The following R3HDM2 variants were observed in gnomAD, a reference collection of about 807,000 sequenced individuals.
The protein encoded by R3HDM2 is R3H domain-containing protein 2.
A neutral mutation model predicts 124.5 loss-of-function variants in R3HDM2; 38 were observed. The observed-to-expected ratio is 0.31, with a 90% CI of 0.24 to 0.40. The LOEUF (loss-of-function observed/expected upper bound fraction) is 0.40. Ranked by LOEUF, R3HDM2 falls within the 10% of genes least tolerant of loss-of-function variation. R3HDM2 has a pLI of 1.00. For missense variants in R3HDM2, 869 were observed against 1,236.9 expected, an observed-to-expected ratio of 0.70 and a Z score of 4.46; for synonymous variants, 391 against 448.0, an observed-to-expected ratio of 0.87 and a Z score of 1.61.
Position 57,271,963 on chromosome 12 carries a change from C to T in R3HDM2, c.1345-1969G>A, listed in dbSNP as rs185882579. Among the ~76,000 whole-genome samples the T allele has an allele frequency of 1.1e-3, 172 of 151,124 alleles. 1 individual carries two copies. The highest frequency in any genetic ancestry group is 4.0e-3 in the African/African-American group (163 of 41,062). On this transcript the variant is annotated intron_variant, in intron 14 of 23. Transcript: ENST00000402412. ...CTGGAGTGCAGTGGTGGTGCGATCT[C>T]GGCTCACTGCAACCTCAGCCTCTCA...
chr12:57,278,256 T>C (rs539711343), intron 14 of R3HDM2, among the ~76,000 whole-genome samples: 5 of 152,262 alleles, frequency 3.3e-5, no homozygotes, highest in East Asian at 1.9e-4. Flanking sequence ...GATCGACCAA[T>C]TGACCCTCAC....
chr12:57,305,143 C>T (rs1022935557), intron 3 of R3HDM2, among the ~76,000 whole-genome samples: 2 of 152,088 alleles, frequency 1.3e-5, no homozygotes, highest in Non-Finnish European at 2.9e-5. Context: ...TGAGATTGCG[C>T]CACTGCACTC....
intron 1 of R3HDM2, among the ~76,000 whole-genome samples, chr12:57,425,237 A>G (rs1298947819): frequency 1.3e-5 from 2 of 151,572 alleles, no homozygotes; most frequent in East Asian, 3.9e-4. Flanking sequence ...GTGCCATTGC[A>G]CTCCAACCTG....
rs768432235 is a variant in R3HDM2, at chr12:57,296,546, T to G, written c.566A>C (p.Gln189Pro). 5.2e-6 allele frequency: 8 copies of G among 1,550,296 alleles called. No homozygotes were observed. In the South Asian group the frequency reaches 8.4e-5, roughly 16 times the overall value. The change falls in exon 9 of 24, where the codon CAG becomes CCG. Residue 189 changes from glutamine (Q) to proline (P), a missense_variant. This residue lies in a region of R3HDM2 where 267 missense variants were observed against 447.7 expected (regional missense o/e 0.60). Coordinates refer to ENST00000402412, the MANE Select transcript of R3HDM2 (RefSeq NM_001394031.1). This position sits in a 1 kb window ranked among gnomAD's most constrained non-coding sequence, Gnocchi z 4.5. ...GGTCATCTGAGGGAACTTCTTGAAC[T>G]GATTACTGAAGGGAAACCCGGGGAA... ...ILEFINDNNN[Q>P]FKKFPQMTSY...
chr12:57,284,369 C>A (rs1294975597), intron 12 of R3HDM2, among the ~76,000 whole-genome samples: 1 of 152,334 alleles, frequency 6.6e-6, no homozygotes, highest in Non-Finnish European at 1.5e-5. Flanking sequence ...CTCTTCCCCA[C>A]CCTCTGAGGG....
chr12:57,408,151 G>A (rs965862652), intron 1 of R3HDM2, among the ~76,000 whole-genome samples: 5 of 152,000 alleles, frequency 3.3e-5, no homozygotes, highest in African/African-American at 9.7e-5. Flanking sequence ...GGCTGATCTC[G>A]AACTCCTAAC....
chr12:57,337,166 G>T (rs541105686), intron 2 of R3HDM2, among the ~76,000 whole-genome samples: 23 of 151,618 alleles, frequency 1.5e-4, no homozygotes, highest in Non-Finnish European at 2.8e-4. Context: ...TGTTGTTGTT[G>T]TTTTGAGACA....
intron 2 of R3HDM2, among the ~76,000 whole-genome samples, chr12:57,382,901 G>A (rs538856259): frequency 3.3e-5 from 5 of 151,968 alleles, no homozygotes; most frequent in African/African-American, 7.2e-5. Context: ...ACGGAGTCTC[G>A]CTCTTGTTGC....
chr12:57,256,341 T>G, intron 22 of R3HDM2, 73 bp downstream of exon 22: 1 of 1,287,534 alleles, frequency 7.8e-7, no homozygotes. Flanking sequence ...CCCAGCTGGT[T>G]GAAGCTCAGA....
chr12:57,262,814 G>A (rs1299930996), intron 19 of R3HDM2, among the ~76,000 whole-genome samples: 1 of 152,268 alleles, frequency 6.6e-6, no homozygotes, highest in African/African-American at 2.4e-5. Context: ...GGTGAATACA[G>A]TATTTTACAT....
intron 19 of R3HDM2, among the ~76,000 whole-genome samples, chr12:57,262,791 A>G (rs573981042): frequency 1.3e-5 from 2 of 152,282 alleles, no homozygotes; most frequent in Non-Finnish European, 2.9e-5. Flanking sequence ...TTAAAGACCT[A>G]TAAGATCGAT....
chr12:57,392,899 G>A (rs1248075668), intron 2 of R3HDM2, among the ~76,000 whole-genome samples: 1 of 151,118 alleles, frequency 6.6e-6, no homozygotes, highest in Non-Finnish European at 1.5e-5. Flanking sequence ...CCACCTCCTG[G>A]GTTCACGCCA....
rs1463447536 is a variant in R3HDM2, at chr12:57,300,129, G to A, written c.260C>T (p.Ser87Phe). The A allele has an allele frequency of 3.2e-6, 5 of 1,551,604 alleles. No homozygotes were observed. ...VRSLAVCEES[S>F]TPFADGPLET... Reference sequence around the variant, plus strand: ...TAATGGCCCATCAGCAAATGGGGTGGAGGACTCCTCACACACTGCCAGGCT... The same window carrying A: ...TAATGGCCCATCAGCAAATGGGGTGAAGGACTCCTCACACACTGCCAGGCT... The change falls in exon 5 of 24, where the codon TCC (serine) becomes TTC (phenylalanine). Residue 87 changes from serine (S) to phenylalanine (F), a missense_variant. Around this residue, in one of 2 missense-constraint regions of R3HDM2, gnomAD observed 267 missense variants for 447.7 expected, o/e 0.60. Coordinates refer to ENST00000402412, the MANE Select transcript of R3HDM2 (RefSeq NM_001394031.1).
In R3HDM2 at chr12:57,296,710, T is replaced by A; in HGVS notation, c.561-159A>T. 1 of 757,210 alleles carries A rather than the reference T, an allele frequency of 1.3e-6. No individual in the cohort carries two copies. Among genetic ancestry groups the A allele is most frequent in the Non-Finnish European group, 2.1e-6 (1 of 486,790 alleles). The allele number at this position is 757,210 out of a possible 1,614,324, so 46.9% of individuals were successfully genotyped here. A position where few individuals can be genotyped will look rare whatever the true frequency, so the allele number is the denominator to read the frequency against. ...ATTTACTAAATGGGAACCAAATAGGTTTTTCTCAGTTTCTTTATCTACAGT... is the reference window on the plus strand; with the variant it reads ...ATTTACTAAATGGGAACCAAATAGGATTTTCTCAGTTTCTTTATCTACAGT... On this transcript the variant is annotated intron_variant, in intron 8 of 23. Coordinates refer to ENST00000402412, the MANE Select transcript of R3HDM2 (RefSeq NM_001394031.1). The surrounding 1 kb of genome is among the most constrained non-coding windows in gnomAD (Gnocchi z 4.5).
chr12:57,370,942 A>C (rs890825336), intron 2 of R3HDM2, among the ~76,000 whole-genome samples: 4 of 152,146 alleles, frequency 2.6e-5, no homozygotes, highest in African/African-American at 9.7e-5. Flanking sequence ...TAATAAAAGA[A>C]ATCACTGAGC....
At chr12:57,329,194 C>T (rs1361452037) in intron 2 of R3HDM2, among the ~76,000 whole-genome samples, 1 of 152,074 alleles carries the variant, frequency 6.6e-6, no homozygotes, top group Non-Finnish European at 1.5e-5. Flanking sequence ...GTATACCACC[C>T]TTGTACCTAA....
At chr12:57,349,566 G>GTT (rs1473563493) in intron 2 of R3HDM2, among the ~76,000 whole-genome samples, 7 of 140,770 alleles carry the variant, frequency 5.0e-5, no homozygotes, top group Non-Finnish European at 6.2e-5. Context: ...TTTTTTGGTT[G>GTT]TTTTTTTTTT....
intron 19 of R3HDM2, among the ~76,000 whole-genome samples, chr12:57,264,907 G>T (rs986090218): frequency 1.3e-5 from 2 of 152,202 alleles, no homozygotes; most frequent in African/African-American, 4.8e-5. Flanking sequence ...AAAGTGCTGG[G>T]ATTACAGGTG....
At chr12:57,430,489 G>GCCCCCCCACC in intron 1 of R3HDM2, 1 of 790,574 alleles carries the variant, frequency 1.3e-6, no homozygotes, top group Non-Finnish European at 1.5e-6. Flanking sequence ...CCACCCCCCT[G>GCCCCCCCACC]CCCCCGCACC....
Sources: gnomAD v4.1 joint callset for allele counts (sites outside exome capture counted in the v4.1 genomes callset) on GRCh38, gnomAD v4.1.1 for gene constraint, gnomAD v4.1.1 regional missense constraint, Gnocchi (gnomAD v3.1) non-coding constraint, MANE v1.5 for transcripts, NCBI Gene and HGNC (gene_info 2026-07-23, HGNC 2026-07-21) for gene names.